FDX1: variants seen among roughly 807,000 people sequenced by gnomAD.
The protein encoded by FDX1 is adrenodoxin, mitochondrial.
In FDX1, 9 loss-of-function variants were observed where a neutral mutation model predicts 14.9. That is an observed-to-expected ratio of 0.60 (90% CI 0.36 to 1.05). The LOEUF (loss-of-function observed/expected upper bound fraction) is 1.05, where lower values mean the gene tolerates loss of function less well. Ranked by LOEUF, FDX1 falls within the 50% of genes least tolerant of loss-of-function variation. The pLI, the probability that FDX1 is intolerant of heterozygous loss-of-function variation, is 0.01. For synonymous variants in FDX1, 92 were observed against 99.4 expected (o/e 0.93, Z 0.44); for missense variants, 204 against 237.2 (o/e 0.86, Z 0.92).
chr11:110,430,901 G>A (rs1565378217), intron 1 of FDX1, among the ~76,000 whole-genome samples: 1 of 152,202 alleles, frequency 6.6e-6, no homozygotes, highest in Non-Finnish European at 1.5e-5. Flanking sequence ...AATCTGCCGG[G>A]ACTTGAAACT....
intron 2 of FDX1, among the ~76,000 whole-genome samples, chr11:110,437,857 A>G (rs1311614462): frequency 6.6e-6 from 1 of 152,130 alleles, no homozygotes; most frequent in Non-Finnish European, 1.5e-5. Flanking sequence ...GGGACCCAGT[A>G]TTTAGCTTGC....
chr11:110,448,119 G>T (rs1204051300), intron 2 of FDX1, among the ~76,000 whole-genome samples: 1 of 152,046 alleles, frequency 6.6e-6, no homozygotes. Flanking sequence ...GTCACTAGGG[G>T]GCAGTTACAC....
In FDX1 at chr11:110,430,179, C is replaced by G. The variant is rs1240583072; in HGVS notation, c.59C>G (p.Pro20Arg). Residue 20 changes from proline (P) to arginine (R), a missense_variant, in exon 1 of 4, where the codon CCG (proline) becomes CGG (arginine). By Grantham distance (103) the Pro-to-Arg change is moderately radical (BLOSUM62 -2). Transcript: ENST00000260270. ...GCCGCTTCTGCTGTCCTCGGCGGCC[C>G]GGCCGGCCGGTGGCTGCACCACGCT... ...LRAASAVLGGPAGRWLHHAGS... is the reference protein window; with the variant it reads ...LRAASAVLGGRAGRWLHHAGS... The G allele has an allele frequency of 1.6e-6, 2 of 1,231,910 alleles. No homozygotes were observed. The highest frequency in any genetic ancestry group is 2.0e-6 in the Non-Finnish European group (2 of 989,872). 76.3% of individuals were successfully genotyped at this position (1,231,910 alleles called of 1,614,324 possible).
chr11:110,440,508 G>T (rs1365102950), intron 2 of FDX1, among the ~76,000 whole-genome samples: 1 of 152,152 alleles, frequency 6.6e-6, no homozygotes, highest in African/African-American at 2.4e-5. Context: ...ATATGGTGGA[G>T]CCACTTTAGC....
At chr11:110,431,713 G>T (rs1294140186) in intron 1 of FDX1, among the ~76,000 whole-genome samples, 2 of 152,194 alleles carry the variant, frequency 1.3e-5, no homozygotes, top group Admixed American at 1.3e-4. Context: ...GAATGTTTTT[G>T]TAGTAATTGG....
rs544210638 is a variant in FDX1 at position 110,450,299 on chromosome 11, G to A, written c.311-6619G>A. ...CTAGATCTAGGTCCCATCTGGAGGT[G>A]ATGGGAGACAGTAACAGATCATCAG... On this transcript the variant is annotated intron_variant, in intron 2 of 3. Transcript: ENST00000260270. 3.9e-5 allele frequency among the ~76,000 whole-genome samples: 6 copies of A among 152,076 alleles called. No individual in the cohort carries two copies. The South Asian group carries it at 1.2e-3, about 32-fold the overall frequency.
At chr11:110,443,438 CTTT>C (rs1204500783) in intron 2 of FDX1, among the ~76,000 whole-genome samples, 1 of 132,448 alleles carries the variant, frequency 7.6e-6, no homozygotes. Flanking sequence ...TAATAATATC[CTTT>C]TTTTTTTTTT....
chr11:110,437,808 G>GTAGTCC (rs1409611032), intron 2 of FDX1, among the ~76,000 whole-genome samples: 3 of 152,090 alleles, frequency 2.0e-5, no homozygotes, highest in Non-Finnish European at 2.9e-5. Context: ...TCCCCCTCTG[G>GTAGTCC]TAGTGCCCAG....
chr11:110,457,928 G>C (rs1003798824), intron 3 of FDX1, among the ~76,000 whole-genome samples: 1 of 152,102 alleles, frequency 6.6e-6, no homozygotes, highest in Admixed American at 6.6e-5. Flanking sequence ...ATGTGAGACT[G>C]ATAACCCTGG....
At chr11:110,456,308 C>A (rs1472389325) in intron 2 of FDX1, among the ~76,000 whole-genome samples, 1 of 152,012 alleles carries the variant, frequency 6.6e-6, no homozygotes, top group Non-Finnish European at 1.5e-5. Context: ...GTATGCATGT[C>A]TCAGCTTATT....
At chr11:110,444,555 G>A (rs932982603) in intron 2 of FDX1, among the ~76,000 whole-genome samples, 1 of 150,200 alleles carries the variant, frequency 6.7e-6, no homozygotes, top group Non-Finnish European at 1.5e-5. Flanking sequence ...GGCGGAGGTT[G>A]CAGTGAGCTG....
At chr11:110,433,775 G>A (rs763636170) in intron 1 of FDX1, among the ~76,000 whole-genome samples, 2 of 152,112 alleles carry the variant, frequency 1.3e-5, no homozygotes, top group Non-Finnish European at 2.9e-5. Flanking sequence ...TTAATGAATA[G>A]AATCCTGTTT....
intron 2 of FDX1, among the ~76,000 whole-genome samples, chr11:110,445,440 G>A (rs1328069088): frequency 9.9e-5 from 15 of 151,898 alleles, no homozygotes; most frequent in Admixed American, 9.8e-4. Flanking sequence ...CTATTACAAG[G>A]TCATGAAATC....
At chr11:110,444,693 TATATATATATAC>T in intron 2 of FDX1, among the ~76,000 whole-genome samples, 3 of 80,210 alleles carry the variant, frequency 3.7e-5, no homozygotes, top group African/African-American at 1.9e-4. Context: ...TACACGTATA[TATATATATATAC>T]GTATATATAT....
chr11:110,448,758 A>C (rs575162963), intron 2 of FDX1, among the ~76,000 whole-genome samples: 1 of 152,244 alleles, frequency 6.6e-6, no homozygotes, highest in Non-Finnish European at 1.5e-5. Flanking sequence ...GAAATTGTGC[A>C]GATTAACAGT....
intron 2 of FDX1, among the ~76,000 whole-genome samples, chr11:110,447,923 G>A (rs1181233107): frequency 9.9e-5 from 15 of 152,212 alleles, no homozygotes; most frequent in Non-Finnish European, 1.5e-5. Context: ...GAGGGATAAA[G>A]TCATTCCTGT....
intron 2 of FDX1, among the ~76,000 whole-genome samples, chr11:110,453,339 AAAAC>A (rs980947186): frequency 1.3e-4 from 20 of 152,240 alleles, no homozygotes; most frequent in African/African-American, 4.6e-4. Context: ...ACTGTCTGAA[AAAAC>A]AAACAAACAC....
At chr11:110,451,991 A>G (rs1334576146) in intron 2 of FDX1, among the ~76,000 whole-genome samples, 1 of 152,238 alleles carries the variant, frequency 6.6e-6, no homozygotes, top group Non-Finnish European at 1.5e-5. Flanking sequence ...TATTCTTTTC[A>G]ACAAATGATG....
intron 1 of FDX1, among the ~76,000 whole-genome samples, chr11:110,435,240 G>A (rs1214104883): frequency 6.6e-6 from 1 of 150,774 alleles, no homozygotes; most frequent in Non-Finnish European, 1.5e-5. Context: ...TTGTAAAGAT[G>A]GGATCTTGCC....
Sources: gnomAD v4.1 joint callset for allele counts (sites outside exome capture counted in the v4.1 genomes callset) on GRCh38, gnomAD v4.1.1 for gene constraint, MANE v1.5 for transcripts, NCBI Gene and HGNC (gene_info 2026-07-23, HGNC 2026-07-21) for gene names.